The following RPA2 variants were observed in gnomAD, a reference collection of about 807,000 sequenced individuals.
The protein encoded by RPA2 is replication protein A2, also known as replication protein A 32 kDa subunit.
In RPA2, 22 loss-of-function variants were observed where a neutral mutation model predicts 33.4. The observed-to-expected ratio is 0.66, with a 90% CI of 0.47 to 0.94. The LOEUF (loss-of-function observed/expected upper bound fraction) is 0.94. Ranked by LOEUF, RPA2 falls within the 40% of genes least tolerant of loss-of-function variation. The pLI, the probability that RPA2 is intolerant of heterozygous loss-of-function variation, is 0.00. For synonymous variants in RPA2, 109 were observed against 114.9 expected (o/e 0.95, Z 0.33); for missense variants, 279 against 329.9 (o/e 0.85, Z 1.19).
At position 27,892,205 on chromosome 1, in the gene RPA2, A is replaced by C; in HGVS notation, c.771T>G (p.Ser257=). The change falls in exon 9 of 9, where the codon TCT becomes TCG. Residue 257 remains serine, a synonymous_variant. Transcript: ENST00000373912. The part of the protein sequence containing the change: ...DFLSNEGHIY[S]TVDDDHFKST... ...ATTTAAAATGGTCATCATCCACAGT[A>C]GAATAGATGTGCCCCTCATTGCTCA... 1 of 1,613,806 alleles carries C rather than the reference A, an allele frequency of 6.2e-7. No individual in the cohort carries two copies. The highest frequency in any genetic ancestry group is 1.1e-5 in the South Asian group (1 of 91,054).
chr1:27,914,477 G>C lies in RPA2; in HGVS notation c.-34C>G. The C allele has an allele frequency of 6.3e-7, 1 of 1,591,662 alleles. No individual in the cohort carries two copies. The highest frequency in any genetic ancestry group is 8.6e-7 in the Non-Finnish European group (1 of 1,167,890). On this transcript the variant is annotated 5_prime_UTR_variant, in exon 1 of 9. Coordinates refer to ENST00000373912, the MANE Select transcript of RPA2 (RefSeq NM_002946.5). ...CGATTCTCCGCAAAGAGGCCGAGAA[G>C]GTGCGGGTCTGGGGGAATAGCGGAA...
intron 4 of RPA2, among the ~76,000 whole-genome samples, chr1:27,904,656 T>C (rs1003694885): frequency 6.6e-6 from 1 of 152,198 alleles, no homozygotes; most frequent in South Asian, 2.1e-4. Flanking sequence ...CCGCATTTTT[T>C]TTTTTGAGTC....
chr1:27,892,159 C>A lies in RPA2; in HGVS notation c.*4G>T. The A allele has an allele frequency of 6.2e-7, 1 of 1,603,050 alleles. No homozygotes were observed. The highest frequency in any genetic ancestry group is 8.5e-7 in the Non-Finnish European group (1 of 1,170,522). Reference sequence around the variant, plus strand: ...AAATATCTCAGGTACCCAGTTAGATCCAGTTATTCTGCATCTGTGGATTTA... The same window carrying A: ...AAATATCTCAGGTACCCAGTTAGATACAGTTATTCTGCATCTGTGGATTTA... On this transcript the variant is annotated 3_prime_UTR_variant, in exon 9 of 9. Transcript: ENST00000373912.
At chr1:27,896,470 G>A (rs1249615500) in intron 6 of RPA2, among the ~76,000 whole-genome samples, 2 of 152,100 alleles carry the variant, frequency 1.3e-5, no homozygotes, top group Non-Finnish European at 2.9e-5. Flanking sequence ...ACCTTGCCCT[G>A]AGGGCTTTCT....
rs1277423591 is a variant in RPA2 at position 27,907,278 on chromosome 1, G to T, written c.122C>A (p.Ala41Asp). ...APSQAEKKSR[A>D]RAQHIVPCTI... ...ACAGGGCACAATGTGCTGGGCTCGG[G>T]CTCTCTGAAAAGAAAAAACATGCAA... is the stretch of plus-strand genomic sequence containing the variant. Residue 41 changes from alanine (A) to aspartate (D), a missense_variant, in exon 3 of 9, where the codon GCC (alanine) becomes GAC (aspartate). Transcript: ENST00000373912. The T allele has an allele frequency of 6.3e-7, 1 of 1,597,308 alleles. No homozygotes were observed. The highest frequency in any genetic ancestry group is 8.5e-7 in the Non-Finnish European group (1 of 1,174,476).
chr1:27,896,145 C>A (rs1021062559), intron 6 of RPA2, among the ~76,000 whole-genome samples: 2 of 152,132 alleles, frequency 1.3e-5, no homozygotes, highest in Non-Finnish European at 2.9e-5. Context: ...CGAATGCCGA[C>A]TAGAATGATT....
rs758802798 is a variant in RPA2 at position 27,897,078 on chromosome 1, T to A, written c.452A>T (p.Asp151Val). ...LVAFKIMPLEDMNEFTTHILE... is the reference protein window; with the variant it reads ...LVAFKIMPLEVMNEFTTHILE... ...AATATGTGTGGTGAACTCATTCATATCCTCCAGGGGCATGATCTTAAAGGC... is the reference window on the plus strand; with the variant it reads ...AATATGTGTGGTGAACTCATTCATAACCTCCAGGGGCATGATCTTAAAGGC... The change falls in exon 6 of 9, where the codon GAT (aspartate) becomes GTT (valine). Residue 151 changes from aspartate (D) to valine (V), a missense_variant. This residue lies in a region of RPA2 where 274 missense variants were observed against 310.3 expected (regional missense o/e 0.88). Transcript: ENST00000373912. 2 of 1,614,086 alleles carry A rather than the reference T, an allele frequency of 1.2e-6. No individual in the cohort carries two copies.
chr1:27,908,877 T>C (rs1417943187), intron 2 of RPA2, among the ~76,000 whole-genome samples: 2 of 152,148 alleles, frequency 1.3e-5, no homozygotes, highest in African/African-American at 2.4e-5. Context: ...CTGGGTAACA[T>C]GAAGATGAAT....
At chr1:27,908,353 C>T (rs1292893189) in intron 2 of RPA2, among the ~76,000 whole-genome samples, 2 of 151,612 alleles carry the variant, frequency 1.3e-5, no homozygotes, top group Non-Finnish European at 2.9e-5. Context: ...TGGTCTTAAA[C>T]TCTTGGTCTC....
intron 8 of RPA2, 89 bp from the exon 9 acceptor site, chr1:27,892,336 G>A (rs2089835421): frequency 9.4e-6 from 9 of 962,466 alleles, no homozygotes; most frequent in South Asian, 2.7e-5. Flanking sequence ...TGCAAACTTC[G>A]CTTATCTCCC....
chr1:27,896,940 G>T, intron 6 of RPA2, 65 bp downstream of exon 6: 1 of 1,195,552 alleles, frequency 8.4e-7, no homozygotes, highest in Non-Finnish European at 1.2e-6. Context: ...AATCAAAGCT[G>T]GAACACAAAA....
intron 4 of RPA2, among the ~76,000 whole-genome samples, chr1:27,899,712 G>A (rs190038546): frequency 2.6e-5 from 4 of 151,500 alleles, no homozygotes; most frequent in African/African-American, 4.8e-5. Context: ...ACAGAGTCTC[G>A]CTCTGTCGCC....
Position 27,914,451 on chromosome 1 carries a change from A to G in RPA2, c.-8T>C, listed in dbSNP as rs773852311. 3.8e-6 allele frequency: 6 copies of G among 1,593,846 alleles called. No individual in the cohort carries two copies. The Admixed American group carries it at 8.6e-5, about 23-fold the overall frequency. On this transcript the variant is annotated 5_prime_UTR_variant, in exon 1 of 9. Transcript: ENST00000373912. ...ATCATTACTGTTCCACATCTTGGTCACGATTCTCCGCAAAGAGGCCGAGAA... is the reference window on the plus strand; with the variant it reads ...ATCATTACTGTTCCACATCTTGGTCGCGATTCTCCGCAAAGAGGCCGAGAA...
intron 4 of RPA2, among the ~76,000 whole-genome samples, chr1:27,901,524 G>A (rs1043212862): frequency 6.6e-6 from 1 of 151,806 alleles, no homozygotes; most frequent in African/African-American, 2.4e-5. Context: ...AACCACACCT[G>A]GCTAATTTTT....
chr1:27,897,222 C>A, intron 5 of RPA2, 101 bp from the exon 6 acceptor site: 1 of 788,276 alleles, frequency 1.3e-6, no homozygotes, highest in East Asian at 2.6e-5. Context: ...AATATTTCAC[C>A]AATATGAGAA....
intron 2 of RPA2, among the ~76,000 whole-genome samples, chr1:27,909,479 G>A (rs531040345): frequency 1.1e-4 from 17 of 152,016 alleles, no homozygotes; most frequent in Non-Finnish European, 1.9e-4. Context: ...AGGCCGAGGC[G>A]GGCAGATCAT....
intron 8 of RPA2, among the ~76,000 whole-genome samples, chr1:27,893,073 C>T (rs2089844613): frequency 6.6e-6 from 1 of 152,170 alleles, no homozygotes; most frequent in African/African-American, 2.4e-5. Flanking sequence ...GGGACAGTAA[C>T]AGCAACAGGA....
chr1:27,914,467 A>G lies in RPA2; in HGVS notation c.-24T>C. 6.3e-7 allele frequency: 1 copy of G among 1,589,120 alleles called. No individual in the cohort carries two copies. The highest frequency in any genetic ancestry group is 1.1e-5 in the South Asian group (1 of 87,796). ...ATCTTGGTCACGATTCTCCGCAAAG[A>G]GGCCGAGAAGGTGCGGGTCTGGGGG... On this transcript the variant is annotated 5_prime_UTR_variant, in exon 1 of 9. Transcript: ENST00000373912.
chr1:27,895,476 G>A (rs2089878608), intron 6 of RPA2, among the ~76,000 whole-genome samples: 2 of 151,974 alleles, frequency 1.3e-5, no homozygotes, highest in South Asian at 2.1e-4. Flanking sequence ...ACTTTGAAAG[G>A]AGGCTGAGAC....
Sources: gnomAD v4.1 joint callset for allele counts (sites outside exome capture counted in the v4.1 genomes callset) on GRCh38, gnomAD v4.1.1 for gene constraint, gnomAD v4.1.1 regional missense constraint, MANE v1.5 for transcripts, NCBI Gene and HGNC (gene_info 2026-07-23, HGNC 2026-07-21) for gene names.